The following SNTG1 variants were observed in gnomAD, a reference collection of about 807,000 sequenced individuals.
SNTG1 encodes syntrophin gamma 1.
SNTG1 carries 39 observed loss-of-function variants against 74.7 expected under a neutral mutation model. The ratio of observed to expected loss-of-function variants is 0.52; its 90% CI spans 0.40 to 0.68. SNTG1 has a LOEUF of 0.68. Ranked by LOEUF, SNTG1 falls within the 30% of genes least tolerant of loss-of-function variation. The pLI is 0.00. For missense variants in SNTG1, 685 were observed against 609.5 expected, an observed-to-expected ratio of 1.12 and a Z score of -1.30; for synonymous variants, 254 against 217.1, an observed-to-expected ratio of 1.17 and a Z score of -1.49.
intron 2 of SNTG1, among the ~76,000 whole-genome samples, chr8:50,341,204 A>G (rs2091307271): frequency 1.3e-5 from 2 of 151,872 alleles, no homozygotes; most frequent in African/African-American, 2.4e-5. Flanking sequence ...ATTTTTTCCT[A>G]TAGAAATATT....
chr8:50,229,212 C>G (rs2085490979), intron 2 of SNTG1, among the ~76,000 whole-genome samples: 1 of 151,260 alleles, frequency 6.6e-6, no homozygotes, highest in Admixed American at 6.6e-5. Context: ...TAAACAAAAG[C>G]AAATGCAACA....
chr8:50,330,966 A>G (rs2090941111), intron 2 of SNTG1, among the ~76,000 whole-genome samples: 1 of 152,186 alleles, frequency 6.6e-6, no homozygotes, highest in African/African-American at 2.4e-5. Context: ...GAGCTAAACC[A>G]TATCATGTGA....
chr8:50,297,098 T>A, intron 2 of SNTG1, among the ~76,000 whole-genome samples: 1 of 152,292 alleles, frequency 6.6e-6, no homozygotes, highest in South Asian at 2.1e-4. Flanking sequence ...GACGTAAATA[T>A]TTTGTGGAAT....
intron 1 of SNTG1, among the ~76,000 whole-genome samples, chr8:49,994,558 C>G (rs952053819): frequency 6.6e-6 from 1 of 151,776 alleles, no homozygotes; most frequent in African/African-American, 2.4e-5. Flanking sequence ...AGCCACCGTG[C>G]CTGGCCAAGA....
At chr8:50,678,406 G>A (rs1291745777) in intron 15 of SNTG1, among the ~76,000 whole-genome samples, 1 of 151,984 alleles carries the variant, frequency 6.6e-6, no homozygotes, top group Non-Finnish European at 1.5e-5. Context: ...GGACCAAGTT[G>A]CTCTGTGTTC....
intron 1 of SNTG1, among the ~76,000 whole-genome samples, chr8:49,972,782 A>T (rs928744574): frequency 5.3e-5 from 8 of 152,214 alleles, no homozygotes; most frequent in African/African-American, 1.9e-4. Context: ...ATCACTGGCC[A>T]TCAGAGAAAC....
At position 50,681,297 on chromosome 8, in the gene SNTG1, T is replaced by A. The variant is rs189061729; in HGVS notation, c.1038+22634T>A. On this transcript the variant is annotated intron_variant, in intron 15 of 18. Transcript: ENST00000642720. ...CATTATAGAGGATATAGTTTTTTTTTAAATGTCATTTATGGAAGAGAATTA... is the reference window on the plus strand; with the variant it reads ...CATTATAGAGGATATAGTTTTTTTTAAAATGTCATTTATGGAAGAGAATTA... Among the ~76,000 whole-genome samples the A allele has an allele frequency of 1.9e-4, 29 of 152,214 alleles. 1 individual carries two copies. The highest frequency in any genetic ancestry group is 4.1e-4 in the South Asian group (2 of 4,830).
chr8:50,331,945 A>G (rs2090981933), intron 2 of SNTG1, among the ~76,000 whole-genome samples: 1 of 152,244 alleles, frequency 6.6e-6, no homozygotes, highest in Non-Finnish European at 1.5e-5. Flanking sequence ...TGCCTGAGCT[A>G]AGGAAAAAGA....
In SNTG1 at chr8:50,299,325, C is replaced by T. The variant is rs557047363; in HGVS notation, c.-27-94887C>T. Among the ~76,000 whole-genome samples the T allele has an allele frequency of 2.0e-4, 30 of 152,196 alleles. 1 individual carries two copies. In the South Asian group the frequency reaches 5.2e-3, roughly 26 times the overall value. ...CTGTCTCCTCTTTCTCCTTCTTCAA[C>T]TTCACCTTCTCTTCCTCCTCATTAT... On this transcript the variant is annotated intron_variant, in intron 2 of 18. Coordinates refer to ENST00000642720, the MANE Select transcript of SNTG1 (RefSeq NM_018967.5).
At chr8:50,065,818 T>G (rs1188457317) in intron 1 of SNTG1, among the ~76,000 whole-genome samples, 1 of 152,214 alleles carries the variant, frequency 6.6e-6, no homozygotes, top group Non-Finnish European at 1.5e-5. Flanking sequence ...ATAAATCCAC[T>G]ACCTTCCTAA....
intron 13 of SNTG1, among the ~76,000 whole-genome samples, chr8:50,620,687 TA>T (rs1372115623): frequency 6.6e-6 from 1 of 152,188 alleles, no homozygotes; most frequent in African/African-American, 2.4e-5. Flanking sequence ...AATACATATT[TA>T]CAGGAGAAGT....
intron 2 of SNTG1, among the ~76,000 whole-genome samples, chr8:50,389,268 G>A (rs1200549050): frequency 6.6e-6 from 1 of 152,168 alleles, no homozygotes; most frequent in Non-Finnish European, 1.5e-5. Context: ...CTGTGGGTTA[G>A]CATTTCTTAT....
At chr8:50,440,184 A>G (rs1488795961) in intron 5 of SNTG1, among the ~76,000 whole-genome samples, 1 of 151,864 alleles carries the variant, frequency 6.6e-6, no homozygotes, top group Middle Eastern at 3.4e-3. Context: ...GCTATGATCA[A>G]TATCTTATAT....
intron 9 of SNTG1, among the ~76,000 whole-genome samples, chr8:50,510,621 A>G (rs9969451): frequency 1.1e-3 from 174 of 152,256 alleles, no homozygotes; most frequent in African/African-American, 4.1e-3. Flanking sequence ...AAGAGATTCA[A>G]CTTCTTCCTG....
intron 9 of SNTG1, among the ~76,000 whole-genome samples, chr8:50,524,853 G>A (rs1013700956): frequency 1.3e-5 from 2 of 151,976 alleles, no homozygotes; most frequent in Non-Finnish European, 2.9e-5. Context: ...CTCCCATGGA[G>A]GAATGACTGT....
At chr8:50,385,923 G>T (rs2092567211) in intron 2 of SNTG1, among the ~76,000 whole-genome samples, 1 of 152,200 alleles carries the variant, frequency 6.6e-6, no homozygotes, top group Non-Finnish European at 1.5e-5. Context: ...TAGGTCAGTT[G>T]AATTGGGATA....
intron 13 of SNTG1, among the ~76,000 whole-genome samples, chr8:50,621,430 T>A (rs1417800814): frequency 6.6e-6 from 1 of 152,194 alleles, no homozygotes; most frequent in Non-Finnish European, 1.5e-5. Context: ...TCTTGTTATT[T>A]CCTTTTAATA....
At chr8:50,560,108 T>A (rs2094478605) in intron 12 of SNTG1, among the ~76,000 whole-genome samples, 1 of 151,876 alleles carries the variant, frequency 6.6e-6, no homozygotes, top group Non-Finnish European at 1.5e-5. Flanking sequence ...CCAAAAAACA[T>A]ATTAAAAAAA....
intron 2 of SNTG1, among the ~76,000 whole-genome samples, chr8:50,221,194 T>C (rs1257355481): frequency 1.3e-5 from 2 of 152,122 alleles, no homozygotes; most frequent in African/African-American, 2.4e-5. Context: ...CATATAAATG[T>C]ACACAATATG....
Sources: allele counts gnomAD v4.1 joint callset (sites outside exome capture counted in the v4.1 genomes callset), GRCh38; gene constraint gnomAD v4.1.1; transcripts MANE v1.5; gene names NCBI Gene and HGNC (gene_info 2026-07-23, HGNC 2026-07-21).